NRG1: variants seen among roughly 807,000 people sequenced by gnomAD.
NRG1 encodes neuregulin 1, also known as pro-neuregulin-1, membrane-bound isoform.
NRG1 carries 18 observed loss-of-function variants against 63.8 expected under a neutral mutation model. That is an observed-to-expected ratio of 0.28 (90% CI 0.19 to 0.42). The LOEUF (loss-of-function observed/expected upper bound fraction) is 0.42, where lower values mean the gene tolerates loss of function less well. Ranked by LOEUF, NRG1 falls within the 10% of genes least tolerant of loss-of-function variation. The probability of loss-of-function intolerance (pLI) is 1.00; values close to 1 mark genes in which losing one functional copy is unlikely to be tolerated. For synonymous variants in NRG1, 302 were observed against 301.3 expected, an observed-to-expected ratio of 1.00 and a Z score of -0.02; for missense variants, 762 against 814.7, an observed-to-expected ratio of 0.94 and a Z score of 0.79.
intron 1 of NRG1, among the ~76,000 whole-genome samples, chr8:32,259,901 G>A (rs1360118870): frequency 6.6e-6 from 1 of 152,068 alleles, no homozygotes; most frequent in Non-Finnish European, 1.5e-5. Context: ...CTTTATACAA[G>A]AGTTATATTT....
At chr8:32,150,851 T>C (rs910774436) in intron 1 of NRG1, among the ~76,000 whole-genome samples, 7 of 152,204 alleles carry the variant, frequency 4.6e-5, no homozygotes, top group African/African-American at 1.7e-4. Flanking sequence ...CAAATTATCC[T>C]CTAAACTGTT....
chr8:31,669,086 G>T (rs1026896132), intron 1 of NRG1, among the ~76,000 whole-genome samples: 1 of 151,960 alleles, frequency 6.6e-6, no homozygotes, highest in Non-Finnish European at 1.5e-5. Context: ...ACAAGGTCTC[G>T]CTCTGTCACC....
intron 1 of NRG1, among the ~76,000 whole-genome samples, chr8:32,091,212 A>G (rs1829095260): frequency 6.6e-6 from 1 of 151,210 alleles, no homozygotes; most frequent in South Asian, 2.1e-4. Context: ...CGGGAGGCAG[A>G]GCTTGCAGTG....
intron 1 of NRG1, among the ~76,000 whole-genome samples, chr8:32,249,697 T>G (rs1352219972): frequency 6.6e-6 from 1 of 152,056 alleles, no homozygotes; most frequent in South Asian, 2.1e-4. Flanking sequence ...TATTCATAGT[T>G]CCTTGGACCA....
chr8:31,855,049 G>A (rs1478717601), intron 1 of NRG1, among the ~76,000 whole-genome samples: 2 of 152,068 alleles, frequency 1.3e-5, no homozygotes, highest in Non-Finnish European at 2.9e-5. Context: ...GTCAATTTTG[G>A]AATAGGTGTG....
intron 1 of NRG1, among the ~76,000 whole-genome samples, chr8:31,814,566 A>T (rs926928632): frequency 2.0e-5 from 3 of 151,970 alleles, no homozygotes; most frequent in African/African-American, 7.2e-5. Flanking sequence ...TTTGTTAAAC[A>T]TTGTGATTGT....
At chr8:32,630,168 T>C (rs1850017273) in intron 5 of NRG1, among the ~76,000 whole-genome samples, 1 of 152,174 alleles carries the variant, frequency 6.6e-6, no homozygotes, top group Non-Finnish European at 1.5e-5. Context: ...AAAGCTCTTC[T>C]TGTGACCTCT....
At chr8:31,739,291 A>G (rs1038978215) in intron 1 of NRG1, among the ~76,000 whole-genome samples, 11 of 152,032 alleles carry the variant, frequency 7.2e-5, no homozygotes. Context: ...CATTCATGGA[A>G]TGTTATCTCA....
chr8:31,639,780 C>T (rs1803551386), intron 1 of NRG1: 2 of 1,301,024 alleles, frequency 1.5e-6, no homozygotes, highest in Non-Finnish European at 9.7e-7. Context: ...TACCTCTTCG[C>T]CTTTCTGTGG....
At chr8:32,088,759 C>A (rs778682929) in intron 1 of NRG1, among the ~76,000 whole-genome samples, 4 of 152,050 alleles carry the variant, frequency 2.6e-5, no homozygotes, top group Non-Finnish European at 5.9e-5. Context: ...ACCTCATGAT[C>A]CTCCTGCCTC....
intron 1 of NRG1, among the ~76,000 whole-genome samples, chr8:31,756,664 A>G (rs1816995140): frequency 1.3e-5 from 2 of 152,078 alleles, no homozygotes; most frequent in South Asian, 2.1e-4. Flanking sequence ...GGTCTGTTTT[A>G]TTTCCCTTTT....
At chr8:31,861,168 C>T (rs1014574567) in intron 1 of NRG1, among the ~76,000 whole-genome samples, 17 of 152,182 alleles carry the variant, frequency 1.1e-4, no homozygotes, top group South Asian at 8.3e-4. Context: ...GCTGTGCTAC[C>T]GAAAAAACAC....
chr8:32,288,516 C>T (rs1207181403), intron 1 of NRG1, among the ~76,000 whole-genome samples: 1 of 152,152 alleles, frequency 6.6e-6, no homozygotes, highest in Non-Finnish European at 1.5e-5. Flanking sequence ...AGCACATTTT[C>T]TTATATAATC....
At chr8:32,123,752 TC>T (rs1833768625) in intron 1 of NRG1, among the ~76,000 whole-genome samples, 1 of 151,498 alleles carries the variant, frequency 6.6e-6, no homozygotes, top group African/African-American at 2.4e-5. Context: ...AAATGTGCCC[TC>T]CGTCAAAATT....
intron 1 of NRG1, among the ~76,000 whole-genome samples, chr8:31,901,236 A>G (rs1563544240): frequency 6.6e-6 from 1 of 152,200 alleles, no homozygotes; most frequent in African/African-American, 2.4e-5. Context: ...AAAGCAAATG[A>G]TGATATAACT....
chr8:32,131,984 G>T (rs548083723), intron 1 of NRG1, among the ~76,000 whole-genome samples: 8 of 152,012 alleles, frequency 5.3e-5, no homozygotes, highest in African/African-American at 1.9e-4. Flanking sequence ...ATATTTAAAG[G>T]CAGAGGTTTT....
intron 1 of NRG1, among the ~76,000 whole-genome samples, chr8:32,318,379 C>A (rs140368021): frequency 3.3e-5 from 5 of 152,092 alleles, no homozygotes; most frequent in African/African-American, 7.2e-5. Flanking sequence ...ATAGGGCTAC[C>A]TCATGCTTTT....
In NRG1 at chr8:32,408,893, C is replaced by A. The variant is rs188099972; in HGVS notation, c.38-186935C>A. ...TGTCATTCCTCACCCTCCTCCCACCCTCCCATCTTTCTGAGTCTCCAATGT... is the reference window on the plus strand; with the variant it reads ...TGTCATTCCTCACCCTCCTCCCACCATCCCATCTTTCTGAGTCTCCAATGT... On this transcript the variant is annotated intron_variant, in intron 1 of 10. Coordinates refer to the NRG1 transcript ENST00000519301. Among the ~76,000 whole-genome samples, 222 of 152,236 alleles carry A rather than the reference C, an allele frequency of 1.5e-3. 4 individuals are homozygous for A. The Middle Eastern group carries it at 0.02, about 14-fold the overall frequency.
chr8:32,768,422 C>A (rs1346292967), downstream of NRG1, among the ~76,000 whole-genome samples: 1 of 152,168 alleles, frequency 6.6e-6, no homozygotes, highest in African/African-American at 2.4e-5. Flanking sequence ...CCAGTTGACA[C>A]CTGGCCATGC....
Sources: gnomAD v4.1 joint callset for allele counts (sites outside exome capture counted in the v4.1 genomes callset) on GRCh38, gnomAD v4.1.1 for gene constraint, MANE v1.5 for transcripts, NCBI Gene and HGNC (gene_info 2026-07-23, HGNC 2026-07-21) for gene names.